RTN4: variants seen among roughly 807,000 people sequenced by gnomAD.
RTN4 encodes reticulon 4.
A neutral mutation model predicts 90.4 loss-of-function variants in RTN4; 32 were observed. The ratio of observed to expected loss-of-function variants is 0.35; its 90% CI spans 0.27 to 0.48. The LOEUF (loss-of-function observed/expected upper bound fraction) is 0.48. Ranked by LOEUF, RTN4 falls within the 20% of genes least tolerant of loss-of-function variation. The pLI is 0.99. For synonymous variants in RTN4, 629 were observed against 552.5 expected, an observed-to-expected ratio of 1.14 and a Z score of -1.94; for missense variants, 1,706 against 1,430.2, an observed-to-expected ratio of 1.19 and a Z score of -3.11.
intron 3 of RTN4, among the ~76,000 whole-genome samples, chr2:55,002,924 A>G (rs1679949893): frequency 6.6e-6 from 1 of 152,238 alleles, no homozygotes; most frequent in Non-Finnish European, 1.5e-5. Context: ...AAATTAGAAA[A>G]TAAACTGGTT....
intron 5 of RTN4, among the ~76,000 whole-genome samples, chr2:54,982,057 C>G (rs982111652): frequency 6.6e-6 from 1 of 151,980 alleles, no homozygotes; most frequent in Admixed American, 6.6e-5. Flanking sequence ...CGGGTTCAAG[C>G]GATTCTCCTG....
chr2:55,005,685 G>A (rs1243221366), intron 3 of RTN4, among the ~76,000 whole-genome samples: 3 of 152,096 alleles, frequency 2.0e-5, no homozygotes, highest in Non-Finnish European at 4.4e-5. Context: ...TAATATGTGG[G>A]ACTAGAATAT....
intron 2 of RTN4, among the ~76,000 whole-genome samples, chr2:55,068,659 T>G (rs1303755054): frequency 9.4e-6 from 1 of 106,824 alleles, no homozygotes; most frequent in African/African-American, 3.9e-5. Flanking sequence ...AAGTGAAAAA[T>G]GGTGCTCTAC....
intron 1 of RTN4, among the ~76,000 whole-genome samples, 183 bp from the exon 2 acceptor site, chr2:55,028,403 T>A (rs922107906): frequency 7.2e-5 from 11 of 152,216 alleles, no homozygotes; most frequent in African/African-American, 2.2e-4. Flanking sequence ...AATCATCATA[T>A]GTATTATAAA....
chr2:55,003,380 A>G (rs566691911), intron 3 of RTN4, among the ~76,000 whole-genome samples: 1 of 152,224 alleles, frequency 6.6e-6, no homozygotes, highest in Non-Finnish European at 1.5e-5. Context: ...TTGAAGAAAG[A>G]CGACACAAAA....
intron 8 of RTN4, 107 bp from the exon 9 acceptor site, chr2:54,973,305 T>C (rs984100674): frequency 8.6e-6 from 9 of 1,052,590 alleles, no homozygotes; most frequent in Middle Eastern, 2.0e-4. Context: ...ATAAATGAAA[T>C]CCTTAAAGCT....
At chr2:55,114,058 A>G (rs574808257), upstream of RTN4, among the ~76,000 whole-genome samples, 1 of 152,306 alleles carries the variant, frequency 6.6e-6, no homozygotes, top group East Asian at 1.9e-4. Flanking sequence ...TACTTGTTGA[A>G]AGTTTTGTTT....
intron 1 of RTN4, among the ~76,000 whole-genome samples, chr2:55,093,355 G>C (rs954073431): frequency 3.3e-5 from 5 of 150,174 alleles, no homozygotes; most frequent in African/African-American, 9.8e-5. Flanking sequence ...ATAAACATAT[G>C]TGTGTATTTT....
At chr2:55,096,599 G>A (rs1428778710) in intron 1 of RTN4, among the ~76,000 whole-genome samples, 1 of 152,158 alleles carries the variant, frequency 6.6e-6, no homozygotes, top group Non-Finnish European at 1.5e-5. Context: ...GCCTTTCTCT[G>A]GCTAAATAAT....
chr2:55,028,037 A>G, intron 2 of RTN4, 127 bp downstream of exon 2: 1 of 766,230 alleles, frequency 1.3e-6, no homozygotes, highest in African/African-American at 1.8e-5. Context: ...CAACTTTTCC[A>G]GTAGACAAAA....
upstream of RTN4, among the ~76,000 whole-genome samples, chr2:55,117,309 C>T (rs766522129): frequency 3.9e-5 from 6 of 152,192 alleles, no homozygotes; most frequent in Admixed American, 6.5e-5. Context: ...TATTGGGTTT[C>T]GAGGCTCCTG....
intron 1 of RTN4, among the ~76,000 whole-genome samples, chr2:55,048,294 T>C (rs984143362): frequency 1.3e-5 from 2 of 152,242 alleles, no homozygotes; most frequent in Non-Finnish European, 2.9e-5. Context: ...TGTACTACTG[T>C]ACAACTTACA....
chr2:55,002,006 G>A (rs1413270080), intron 3 of RTN4, among the ~76,000 whole-genome samples: 3 of 151,972 alleles, frequency 2.0e-5, no homozygotes, highest in African/African-American at 7.3e-5. Context: ...TATTTTCATA[G>A]TTATTGGTTT....
At position 55,049,152 on chromosome 2, in the gene RTN4, A is replaced by G. The variant is rs770281216; in HGVS notation, c.556+593T>C. ...CTCTCCCTTCACTGCGGTTGGGTCA[A>G]TGTGGACGTTTTCCACTCGGCCAGC... On this transcript the variant is annotated intron_variant, in intron 1 of 8. Transcript: ENST00000337526. 18 of 986,142 alleles carry G rather than the reference A, an allele frequency of 1.8e-5. No homozygotes were observed. In the South Asian group the frequency reaches 2.8e-4, roughly 15 times the overall value. The allele number at this position is 986,142 out of a possible 1,614,324, so 61.1% of individuals were successfully genotyped here.
chr2:55,108,596 G>A (rs1573522515), intron 1 of RTN4, among the ~76,000 whole-genome samples: 1 of 152,092 alleles, frequency 6.6e-6, no homozygotes, highest in Middle Eastern at 3.4e-3. Context: ...GGGGGAAGAG[G>A]GGTAATAAAA....
At chr2:55,113,363 T>G (rs952675600), upstream of RTN4, among the ~76,000 whole-genome samples, 8 of 152,216 alleles carry the variant, frequency 5.3e-5, no homozygotes, top group African/African-American at 1.9e-4. Flanking sequence ...AATGTGGAAC[T>G]GAATTCAAGC....
At chr2:54,987,777 G>C (rs1254276222) in intron 3 of RTN4, 79 bp from the exon 4 acceptor site, 3 of 1,075,684 alleles carry the variant, frequency 2.8e-6, no homozygotes, top group Non-Finnish European at 4.1e-6. Flanking sequence ...AAACAAAAAC[G>C]CTACTACATA....
Position 55,030,351 on chromosome 2 carries a change from T to C in RTN4, c.557-2131A>G, listed in dbSNP as rs111272884. ...GAAAAAAAGAAAAATCTTCATTTTGTAAAATGGGATTCGATCCAGTTACCC... is the reference window on the plus strand; with the variant it reads ...GAAAAAAAGAAAAATCTTCATTTTGCAAAATGGGATTCGATCCAGTTACCC... On this transcript the variant is annotated intron_variant, in intron 1 of 8. Transcript: ENST00000337526. 3.3e-3 allele frequency among the ~76,000 whole-genome samples: 507 copies of C among 152,272 alleles called. 2 individuals carry two copies. Among genetic ancestry groups the C allele is most frequent in the Admixed American group, 5.5e-3 (84 of 15,292 alleles).
intron 1 of RTN4, chr2:55,049,231 C>T: frequency 1.1e-6 from 1 of 950,578 alleles, no homozygotes; most frequent in Non-Finnish European, 1.3e-6. Flanking sequence ...CCACCCACGC[C>T]AGCCAGGAGG....
Sources: allele counts gnomAD v4.1 joint callset (sites outside exome capture counted in the v4.1 genomes callset), GRCh38; gene constraint gnomAD v4.1.1; transcripts MANE v1.5; gene names NCBI Gene and HGNC (gene_info 2026-07-23, HGNC 2026-07-21).